The following DLGAP2 variants were observed in gnomAD, a reference collection of about 807,000 sequenced individuals.
DLGAP2 encodes the protein DLG associated protein 2, also known as disks large-associated protein 2.
Under a neutral mutation model 100.3 loss-of-function variants are expected in DLGAP2, and 26 were observed. The ratio of observed to expected loss-of-function variants is 0.26; its 90% CI spans 0.19 to 0.36. The LOEUF (loss-of-function observed/expected upper bound fraction) is 0.36. Among genes scored for constraint, DLGAP2 ranks in the 10% least tolerant of loss-of-function variants. The pLI is 1.00. For synonymous variants in DLGAP2, 886 were observed against 630.1 expected (o/e 1.41, Z -6.08); for missense variants, 1,858 against 1,453.2 (o/e 1.28, Z -4.53).
chr8:1,447,525 A>G (rs1427604130), intron 3 of DLGAP2, among the ~76,000 whole-genome samples: 2 of 152,200 alleles, frequency 1.3e-5, no homozygotes, highest in East Asian at 3.8e-4. Context: ...AATGCTCATC[A>G]AGGATATTGG....
chr8:1,308,515 GA>G, intron 3 of DLGAP2, among the ~76,000 whole-genome samples: 1 of 152,112 alleles, frequency 6.6e-6, no homozygotes. Context: ...GACAACAAAA[GA>G]AATCTTTTTT....
chr8:1,163,074 T>A (rs1226673482), intron 2 of DLGAP2, among the ~76,000 whole-genome samples: 1 of 152,180 alleles, frequency 6.6e-6, no homozygotes, highest in Non-Finnish European at 1.5e-5. Context: ...AGTCCTCGGC[T>A]GGTAAGAGGC....
chr8:1,468,639 C>G (rs1373423672), intron 3 of DLGAP2, among the ~76,000 whole-genome samples: 1 of 152,194 alleles, frequency 6.6e-6, no homozygotes, highest in East Asian at 1.9e-4. Context: ...TGCTTTGGGG[C>G]CAGTGCATTC....
chr8:1,126,000 G>C (rs559572665), intron 2 of DLGAP2, among the ~76,000 whole-genome samples: 131 of 152,310 alleles, frequency 8.6e-4, no homozygotes, highest in Non-Finnish European at 1.7e-3. Context: ...GGACACTTCC[G>C]GCTCTGGAAG....
chr8:1,059,063 G>A (rs982731078), intron 2 of DLGAP2, among the ~76,000 whole-genome samples: 1 of 152,034 alleles, frequency 6.6e-6, no homozygotes, highest in Non-Finnish European at 1.5e-5. Context: ...CTCCCCCCAT[G>A]TGTCCATGTG....
At chr8:1,267,604 A>AAAATCAAATAAAAT (rs1799488177) in intron 3 of DLGAP2, among the ~76,000 whole-genome samples, 1 of 76,252 alleles carries the variant, frequency 1.3e-5, no homozygotes, top group African/African-American at 6.1e-5. Flanking sequence ...AAGATAAGAT[A>AAAATCAAATAAAAT]AGATAAGATA....
chr8:1,478,697 A>G (rs1799006724), intron 3 of DLGAP2, among the ~76,000 whole-genome samples: 1 of 152,072 alleles, frequency 6.6e-6, no homozygotes, highest in Non-Finnish European at 1.5e-5. Flanking sequence ...CCAATGGAAT[A>G]GACCTGGTCC....
intron 2 of DLGAP2, among the ~76,000 whole-genome samples, chr8:1,081,565 G>C (rs1411979285): frequency 6.6e-6 from 1 of 152,158 alleles, no homozygotes; most frequent in Non-Finnish European, 1.5e-5. Flanking sequence ...TGGCCAGGCT[G>C]GTCTTGAAAC....
chr8:1,244,346 A>G (rs1004325809), intron 2 of DLGAP2, among the ~76,000 whole-genome samples: 4 of 152,252 alleles, frequency 2.6e-5, no homozygotes, highest in East Asian at 1.9e-4. Context: ...AGCATACACT[A>G]TTGGCTGAGC....
intron 3 of DLGAP2, among the ~76,000 whole-genome samples, chr8:1,452,629 G>A (rs1050014003): frequency 2.0e-5 from 3 of 152,208 alleles, no homozygotes; most frequent in Non-Finnish European, 4.4e-5. Context: ...ATTCTGGAGG[G>A]AAACAGACCA....
intron 3 of DLGAP2, among the ~76,000 whole-genome samples, chr8:1,429,876 T>G (rs540055508): frequency 3.3e-4 from 50 of 150,484 alleles, no homozygotes; most frequent in African/African-American, 1.2e-3. Flanking sequence ...GGCCATTCAT[T>G]GTGGAGTCAA....
At chr8:974,452 T>C (rs1800111624) in intron 2 of DLGAP2, among the ~76,000 whole-genome samples, 1 of 152,200 alleles carries the variant, frequency 6.6e-6, no homozygotes, top group South Asian at 2.1e-4. Context: ...AACACATTCC[T>C]CTCAAGCTTA....
intron 2 of DLGAP2, among the ~76,000 whole-genome samples, chr8:1,010,721 C>T (rs942399169): frequency 7.2e-5 from 11 of 152,228 alleles, no homozygotes; most frequent in Non-Finnish European, 1.2e-4. Flanking sequence ...AATTTCCTGC[C>T]GTAATGCTTG....
intron 2 of DLGAP2, among the ~76,000 whole-genome samples, chr8:1,153,145 C>T (rs1796724507): frequency 6.6e-6 from 1 of 152,136 alleles, no homozygotes; most frequent in African/African-American, 2.4e-5. Context: ...ACTTTTCTTC[C>T]TGCAAAGGGC....
chr8:1,564,259 C>G (rs1264273583), intron 5 of DLGAP2, among the ~76,000 whole-genome samples: 1 of 152,196 alleles, frequency 6.6e-6, no homozygotes, highest in Non-Finnish European at 1.5e-5. Context: ...CAGGGAGCAG[C>G]TCCCGCAATG....
chr8:1,343,871 A>G (rs1353281140), intron 3 of DLGAP2, among the ~76,000 whole-genome samples: 1 of 151,868 alleles, frequency 6.6e-6, no homozygotes, highest in East Asian at 1.9e-4. Flanking sequence ...GAGTAGGGGG[A>G]GCTCAGCCCT....
intron 6 of DLGAP2, among the ~76,000 whole-genome samples, chr8:1,605,078 G>A (rs1173477393): frequency 2.0e-5 from 3 of 152,146 alleles, no homozygotes; most frequent in Admixed American, 6.5e-5. Context: ...CGGTGCCATC[G>A]GCTCACCTGA....
At chr8:1,365,030 A>G (rs546710305) in intron 3 of DLGAP2, among the ~76,000 whole-genome samples, 3 of 152,326 alleles carry the variant, frequency 2.0e-5, no homozygotes, top group South Asian at 4.1e-4. Context: ...ACAGCTAGGA[A>G]GAGCCTGGCA....
At chr8:1,641,384 T>C (rs1049066166) in intron 8 of DLGAP2, among the ~76,000 whole-genome samples, 3 of 152,208 alleles carry the variant, frequency 2.0e-5, no homozygotes, top group Non-Finnish European at 4.4e-5. Flanking sequence ...CCTTCTCTTA[T>C]AAAATCCTCC....
Sources: allele counts gnomAD v4.1 joint callset (sites outside exome capture counted in the v4.1 genomes callset), GRCh38; gene constraint gnomAD v4.1.1; transcripts MANE v1.5; gene names NCBI Gene and HGNC (gene_info 2026-07-23, HGNC 2026-07-21).